SH3RF3: variants seen among roughly 807,000 people sequenced by gnomAD.
SH3RF3 encodes SH3 domain containing ring finger 3, also known as E3 ubiquitin-protein ligase SH3RF3.
SH3RF3 carries 29 observed loss-of-function variants against 66.3 expected under a neutral mutation model. That is an observed-to-expected ratio of 0.44 (90% CI 0.33 to 0.60). The LOEUF is 0.60. Among genes scored for constraint, SH3RF3 ranks in the 20% least tolerant of loss-of-function variants. The probability of loss-of-function intolerance (pLI) is 0.04; values close to 1 mark genes in which losing one functional copy is unlikely to be tolerated. For missense variants in SH3RF3, 1,194 were observed against 1,190.9 expected (o/e 1.00, Z -0.04); for synonymous variants, 583 against 532.0 (o/e 1.10, Z -1.32).
At chr2:109,183,254 TA>T (rs1678109860) in intron 1 of SH3RF3, among the ~76,000 whole-genome samples, 6 of 152,264 alleles carry the variant, frequency 3.9e-5, no homozygotes, top group Admixed American at 1.3e-4. Context: ...CTGAGATGAC[TA>T]TCAGTTGAGT....
intron 1 of SH3RF3, among the ~76,000 whole-genome samples, chr2:109,262,829 CT>C (rs1192314257): frequency 6.6e-6 from 1 of 151,936 alleles, no homozygotes; most frequent in African/African-American, 2.4e-5. Flanking sequence ...ACAAGACTTT[CT>C]TTTTTCTTTT....
intron 1 of SH3RF3, among the ~76,000 whole-genome samples, chr2:109,136,071 A>G (rs1182620293): frequency 1.3e-5 from 2 of 152,142 alleles, no homozygotes; most frequent in South Asian, 2.1e-4. Flanking sequence ...ATTCTATCCA[A>G]TTGTTTCTTC....
chr2:109,165,520 C>G (rs1462274878), intron 1 of SH3RF3, among the ~76,000 whole-genome samples: 1 of 152,196 alleles, frequency 6.6e-6, no homozygotes, highest in African/African-American at 2.4e-5. Context: ...GTAGTTGGGA[C>G]CCAGCTACAC....
rs569968585 is a variant in SH3RF3 at position 109,330,345 on chromosome 2, C to T, written c.574-17329C>T. ...TTCTTCTCTTGTGCCTATCTCTCTC[C>T]GTCTCTTCCTTCTTTTTTTTTTCTT... On this transcript the variant is annotated intron_variant, in intron 1 of 9. Transcript: ENST00000309415. Among the ~76,000 whole-genome samples, 13 of 152,262 alleles carry T rather than the reference C, an allele frequency of 8.5e-5. No individual in the cohort carries two copies. The South Asian group carries it at 1.0e-3, about 12-fold the overall frequency.
chr2:109,135,801 C>CT (rs1558918985), intron 1 of SH3RF3, among the ~76,000 whole-genome samples: 2 of 152,106 alleles, frequency 1.3e-5, no homozygotes, highest in Non-Finnish European at 2.9e-5. Flanking sequence ...TGTTGGTTTC[C>CT]TTTTTAAATT....
chr2:109,170,152 CT>C (rs201344293), intron 1 of SH3RF3, among the ~76,000 whole-genome samples: 2,152 of 152,178 alleles, frequency 0.014, 16 homozygotes, highest in South Asian at 0.03. Context: ...TTACATACCC[CT>C]AATACCATCG....
intron 3 of SH3RF3, among the ~76,000 whole-genome samples, chr2:109,376,332 G>A (rs1450258038): frequency 6.6e-6 from 1 of 152,226 alleles, no homozygotes; most frequent in Non-Finnish European, 1.5e-5. Flanking sequence ...CCTCTTGGAA[G>A]CTGTCTTTAA....
chr2:109,437,937 C>T (rs1677455484), intron 7 of SH3RF3, among the ~76,000 whole-genome samples: 1 of 152,166 alleles, frequency 6.6e-6, no homozygotes, highest in African/African-American at 2.4e-5. Context: ...ATGCCAAGTA[C>T]CCCAGGACAA....
At chr2:109,195,466 T>G (rs746102334) in intron 1 of SH3RF3, among the ~76,000 whole-genome samples, 3 of 152,150 alleles carry the variant, frequency 2.0e-5, no homozygotes, top group Non-Finnish European at 4.4e-5. Flanking sequence ...TCCCCACCCC[T>G]TCTTGGCCTT....
chr2:109,262,788 C>T (rs1360634436), intron 1 of SH3RF3, among the ~76,000 whole-genome samples: 1 of 152,050 alleles, frequency 6.6e-6, no homozygotes, highest in African/African-American at 2.4e-5. Flanking sequence ...ATGTAATGGG[C>T]CCAATGATAA....
At chr2:109,152,824 G>T (rs1677255271) in intron 1 of SH3RF3, among the ~76,000 whole-genome samples, 1 of 152,148 alleles carries the variant, frequency 6.6e-6, no homozygotes, top group South Asian at 2.1e-4. Flanking sequence ...TCTCACATGG[G>T]CCCTCTCACA....
At chr2:109,319,352 G>A (rs1258288500) in intron 1 of SH3RF3, among the ~76,000 whole-genome samples, 1 of 152,248 alleles carries the variant, frequency 6.6e-6, no homozygotes, top group East Asian at 1.9e-4. Context: ...ACTGCAAAGA[G>A]ACAATGTCCT....
chr2:109,318,711 G>T (rs1456703131), intron 1 of SH3RF3, among the ~76,000 whole-genome samples: 1 of 152,106 alleles, frequency 6.6e-6, no homozygotes, highest in Non-Finnish European at 1.5e-5. Context: ...CAGAATCCGG[G>T]GCTGCCCTGG....
At chr2:109,394,157 T>A (rs1676080047) in intron 3 of SH3RF3, among the ~76,000 whole-genome samples, 1 of 152,242 alleles carries the variant, frequency 6.6e-6, no homozygotes, top group African/African-American at 2.4e-5. Context: ...TCTTCAGTTT[T>A]TCTTACCTTT....
chr2:109,220,242 G>C (rs149293517), intron 1 of SH3RF3, among the ~76,000 whole-genome samples: 5 of 152,280 alleles, frequency 3.3e-5, no homozygotes, highest in Non-Finnish European at 7.4e-5. Flanking sequence ...AATGAAGTCA[G>C]ACCTTTATCT....
chr2:109,491,918 T>C (rs992854660), intron 9 of SH3RF3, among the ~76,000 whole-genome samples: 9 of 152,218 alleles, frequency 5.9e-5, no homozygotes, highest in Non-Finnish European at 1.0e-4. Context: ...CAGACGCCAT[T>C]CCCAGTGCCA....
At chr2:109,414,507 G>A (rs1432269589) in intron 4 of SH3RF3, among the ~76,000 whole-genome samples, 2 of 152,164 alleles carry the variant, frequency 1.3e-5, no homozygotes, top group Non-Finnish European at 2.9e-5. Flanking sequence ...GACACGAGGA[G>A]CAATCAGAGG....
intron 3 of SH3RF3, among the ~76,000 whole-genome samples, chr2:109,388,713 G>C (rs1329912406): frequency 6.6e-6 from 1 of 152,218 alleles, no homozygotes; most frequent in Admixed American, 6.5e-5. Flanking sequence ...TGTGAAATGA[G>C]ACCCCTGCAA....
intron 1 of SH3RF3, among the ~76,000 whole-genome samples, chr2:109,219,248 C>A (rs1255170048): frequency 6.6e-6 from 1 of 152,120 alleles, no homozygotes; most frequent in Non-Finnish European, 1.5e-5. Context: ...CTCAGACTAC[C>A]GTTTTTGCTC....
Sources: allele counts gnomAD v4.1 joint callset (sites outside exome capture counted in the v4.1 genomes callset), GRCh38; gene constraint gnomAD v4.1.1; transcripts MANE v1.5; gene names NCBI Gene and HGNC (gene_info 2026-07-23, HGNC 2026-07-21).